Variants in ASB10 observed in about 807,000 individuals in gnomAD.
The protein encoded by ASB10 is ankyrin repeat and SOCS box protein 10.
ASB10 carries 44 observed loss-of-function variants against 35.4 expected under a neutral mutation model. That is an observed-to-expected ratio of 1.24 (90% CI 0.98 to 1.60). The LOEUF is 1.60. Among genes scored for constraint, ASB10 ranks in the 40% most tolerant of loss-of-function variants. The pLI is 0.00. For synonymous variants in ASB10, 294 were observed against 280.4 expected (o/e 1.05, Z -0.49); for missense variants, 647 against 634.3 (o/e 1.02, Z -0.22).
intron 4 of ASB10, 94 bp from the exon 5 acceptor site, chr7:151,176,391 T>C: frequency 6.8e-7 from 1 of 1,477,000 alleles, no homozygotes; most frequent in East Asian, 2.4e-5. Flanking sequence ...GTGGGGCATC[T>C]ACCGGAAGGA....
At chr7:151,178,251 GAAAA>G (rs904102455) in intron 3 of ASB10, among the ~76,000 whole-genome samples, 5 of 149,622 alleles carry the variant, frequency 3.3e-5, no homozygotes, top group African/African-American at 1.2e-4. Context: ...TCTCAAAAGA[GAAAA>G]AAAAAAGTAG....
intron 2 of ASB10, among the ~76,000 whole-genome samples, 185 bp downstream of exon 2, chr7:151,186,207 C>A (rs986510607): frequency 2.0e-5 from 3 of 152,206 alleles, no homozygotes; most frequent in African/African-American, 7.2e-5. Context: ...TGTCCAAAGT[C>A]CAGGCCACTC....
At position 151,176,221 on chromosome 7, in the gene ASB10, G is replaced by A. The variant is rs1392083574; in HGVS notation, c.1295C>T (p.Ala432Val). The A allele has an allele frequency of 3.1e-6, 5 of 1,605,092 alleles. No individual in the cohort carries two copies. The highest frequency in any genetic ancestry group is 4.2e-6 in the Non-Finnish European group (5 of 1,176,674). ...GCTGCCCTCCAGGTGGGAGCGGAGC[G>A]CACAGCGGCTCAAATGCTGCAGCGA... ...PRSLQHLSRC[A>V]LRSHLEGSLP... is the part of the protein sequence containing the mutation. The change falls in exon 5 of 6, where the codon GCG becomes GTG. Residue 432 changes from alanine to valine, a missense_variant. Coordinates refer to ENST00000420175, the MANE Select transcript of ASB10 (RefSeq NM_001142459.2).
At chr7:151,183,609 G>A (rs561534571) in intron 2 of ASB10, among the ~76,000 whole-genome samples, 6 of 151,950 alleles carry the variant, frequency 3.9e-5, no homozygotes, top group African/African-American at 1.2e-4. Context: ...TTTTTGAGAC[G>A]GAGTTTCCCT....
intron 2 of ASB10, among the ~76,000 whole-genome samples, chr7:151,184,917 G>A (rs1256589186): frequency 4.6e-5 from 7 of 151,766 alleles, no homozygotes; most frequent in African/African-American, 1.2e-4. Flanking sequence ...AGCTACTCGC[G>A]AGGCTGAGGC....
chr7:151,184,536 G>A (rs1801551988), intron 2 of ASB10, among the ~76,000 whole-genome samples: 1 of 152,210 alleles, frequency 6.6e-6, no homozygotes, highest in Non-Finnish European at 1.5e-5. Context: ...GAGGTCCCCA[G>A]AGTGTTCACA....
At chr7:151,182,111 G>C (rs999422071) in intron 2 of ASB10, among the ~76,000 whole-genome samples, 1 of 152,226 alleles carries the variant, frequency 6.6e-6, no homozygotes, top group African/African-American at 2.4e-5. Context: ...CACAGAGGAG[G>C]AAACTGAGGT....
intron 2 of ASB10, among the ~76,000 whole-genome samples, chr7:151,183,401 ATC>A (rs1437116881): frequency 2.0e-5 from 3 of 151,870 alleles, no homozygotes; most frequent in Non-Finnish European, 2.9e-5. Context: ...GAGAGACCCT[ATC>A]TCTCTCTCTT....
intron 3 of ASB10, among the ~76,000 whole-genome samples, chr7:151,178,503 C>T (rs1047012291): frequency 2.6e-5 from 4 of 152,236 alleles, no homozygotes; most frequent in Non-Finnish European, 4.4e-5. Flanking sequence ...ACTCCACTCT[C>T]GCTGCATCTA....
At chr7:151,178,900 GT>G (rs1282190592) in intron 3 of ASB10, among the ~76,000 whole-genome samples, 1 of 152,098 alleles carries the variant, frequency 6.6e-6, no homozygotes, top group Non-Finnish European at 1.5e-5. Flanking sequence ...GCCCGTCTCT[GT>G]CCTTCCTGGC....
intron 3 of ASB10, 129 bp from the exon 4 acceptor site, chr7:151,176,805 T>A: frequency 4.7e-6 from 3 of 637,052 alleles, no homozygotes; most frequent in Non-Finnish European, 8.2e-6. Context: ...CCTGTACCTA[T>A]GAATGGGACC....
chr7:151,180,697 A>G (rs747464464), intron 3 of ASB10, among the ~76,000 whole-genome samples: 1 of 152,184 alleles, frequency 6.6e-6, no homozygotes, highest in Non-Finnish European at 1.5e-5. Context: ...ATGCATGAAC[A>G]CATGTATACA....
intron 3 of ASB10, among the ~76,000 whole-genome samples, chr7:151,178,008 G>A (rs1801420761): frequency 6.6e-6 from 1 of 152,222 alleles, no homozygotes; most frequent in African/African-American, 2.4e-5. Context: ...AGCGCTTTGG[G>A]AGGCCGAGGT....
At chr7:151,186,790 G>A (rs768673091) in intron 1 of ASB10, 25 bp downstream of exon 1, 1 of 1,554,208 alleles carries the variant, frequency 6.4e-7, no homozygotes. Flanking sequence ...CTCCCACTGA[G>A]AGCCCCCAGT....
rs1283546345 is a variant in ASB10 at position 151,186,374 on chromosome 7, G to C, written c.584+18C>G. ...CCCTTCAGAGTGGAACTGGGGGTTG[G>C]GGTGAGGGGTCACTCACTCAAGGGT... On this transcript the variant is annotated intron_variant, in intron 2 of 5. Coordinates refer to ENST00000420175, the MANE Select transcript of ASB10 (RefSeq NM_001142459.2). 1 of 1,568,648 alleles carries C rather than the reference G, an allele frequency of 6.4e-7. No homozygotes were observed. Among genetic ancestry groups the C allele is most frequent in the South Asian group, 1.2e-5 (1 of 85,028 alleles).
chr7:151,181,009 C>T lies in ASB10; in HGVS notation c.1034G>A (p.Ser345Asn). Residue 345 changes from serine (S) to asparagine (N), a missense_variant, in exon 3 of 6, where the codon AGC (serine) becomes AAC (asparagine). Ser to Asn is a conservative substitution (Grantham distance 46). Coordinates refer to ENST00000420175, the MANE Select transcript of ASB10 (RefSeq NM_001142459.2). ...LQGPAAALAQ[S>N]PEHVVRALLN... ...CAGAGCCCGAACCACGTGCTCGGGGCTCTGGGCCAGGGCTGCAGCTGGGCC... is the reference window on the plus strand; with the variant it reads ...CAGAGCCCGAACCACGTGCTCGGGGTTCTGGGCCAGGGCTGCAGCTGGGCC... The T allele has an allele frequency of 1.9e-6, 3 of 1,603,706 alleles. No individual in the cohort carries two copies. The highest frequency in any genetic ancestry group is 2.6e-6 in the Non-Finnish European group (3 of 1,173,460).
chr7:151,177,532 C>T (rs1209927015), intron 3 of ASB10, among the ~76,000 whole-genome samples: 9 of 142,660 alleles, frequency 6.3e-5, no homozygotes, highest in Non-Finnish European at 1.1e-4. Context: ...AGCTCCTGAG[C>T]AGATAAAAAG....
chr7:151,187,667 G>A (rs104886463), upstream of ASB10: 2 of 1,513,956 alleles, frequency 1.3e-6, no homozygotes, highest in Non-Finnish European at 1.8e-6. The surrounding 1 kb of genome is among the most constrained non-coding windows in gnomAD (Gnocchi z 5.3). Context: ...CGGGGCGGAG[G>A]GAAGGCACCC....
At chr7:151,180,397 G>A (rs1801463037) in intron 3 of ASB10, among the ~76,000 whole-genome samples, 1 of 152,200 alleles carries the variant, frequency 6.6e-6, no homozygotes. Context: ...CAGAAAGTGG[G>A]ACCATGTCCA....
Sources: allele counts gnomAD v4.1 joint callset (sites outside exome capture counted in the v4.1 genomes callset), GRCh38; gene constraint gnomAD v4.1.1; non-coding constraint Gnocchi (gnomAD v3.1); transcripts MANE v1.5; gene names NCBI Gene and HGNC (gene_info 2026-07-23, HGNC 2026-07-21).